CEP85L: variants seen among roughly 807,000 people sequenced by gnomAD.
CEP85L encodes the protein centrosomal protein 85L.
A neutral mutation model predicts 100.3 loss-of-function variants in CEP85L; 60 were observed. The ratio of observed to expected loss-of-function variants is 0.60; its 90% CI spans 0.49 to 0.74. The LOEUF (loss-of-function observed/expected upper bound fraction) is 0.74, where lower values mean the gene tolerates loss of function less well. Ranked by LOEUF, CEP85L falls within the 30% of genes least tolerant of loss-of-function variation. The probability of loss-of-function intolerance (pLI) is 0.00; values close to 1 mark genes in which losing one functional copy is unlikely to be tolerated. For missense variants in CEP85L, 973 were observed against 936.2 expected (o/e 1.04, Z -0.51); for synonymous variants, 319 against 322.7 (o/e 0.99, Z 0.12).
rs181926785 is a variant in CEP85L at position 118,590,066 on chromosome 6, C to T, written c.233-23750G>A. ...ATTTACACACACACACACACACACACACATACACACGTGGAATACCACTAT... is the reference window on the plus strand; with the variant it reads ...ATTTACACACACACACACACACACATACATACACACGTGGAATACCACTAT... On this transcript the variant is annotated intron_variant, in intron 2 of 12. Coordinates refer to ENST00000368491, the MANE Select transcript of CEP85L (RefSeq NM_001042475.3). 1.3e-3 allele frequency among the ~76,000 whole-genome samples: 166 copies of T among 126,294 alleles called. 1 individual carries two copies. Among genetic ancestry groups the T allele is most frequent in the African/African-American group, 4.5e-3 (157 of 35,056 alleles). The allele number at this position is 126,294 out of a possible 152,430, so 82.9% of individuals were successfully genotyped here.
intron 10 of CEP85L, among the ~76,000 whole-genome samples, chr6:118,476,487 T>C (rs1773388629): frequency 6.6e-6 from 1 of 152,134 alleles, no homozygotes; most frequent in Non-Finnish European, 1.5e-5. Flanking sequence ...AAATAGGAGA[T>C]AAACATCACA....
intron 2 of CEP85L, among the ~76,000 whole-genome samples, chr6:118,605,971 G>A (rs551173890): frequency 4.9e-5 from 7 of 141,706 alleles, no homozygotes; most frequent in East Asian, 2.0e-4. Context: ...CCAAGATCGC[G>A]CCACTGCACT....
intron 6 of CEP85L, among the ~76,000 whole-genome samples, chr6:118,488,258 G>A (rs1774323522): frequency 6.6e-6 from 1 of 151,960 alleles, no homozygotes; most frequent in Non-Finnish European, 1.5e-5. Flanking sequence ...TTGCCTGAAA[G>A]AGAATTCAAC....
rs111238197 is a variant in CEP85L, at chr6:118,613,499, G to A, written c.232+18954C>T. On this transcript the variant is annotated intron_variant, in intron 2 of 12. Coordinates refer to ENST00000368491, the MANE Select transcript of CEP85L (RefSeq NM_001042475.3). ...TGGCCAGGTGCAGTGGCTCACGCCTGTAATCCTAGTACTTTGTGGGGCCAA... is the reference window on the plus strand; with the variant it reads ...TGGCCAGGTGCAGTGGCTCACGCCTATAATCCTAGTACTTTGTGGGGCCAA... 1.3e-4 allele frequency among the ~76,000 whole-genome samples: 20 copies of A among 152,176 alleles called. 1 individual carries two copies. Among genetic ancestry groups the A allele is most frequent in the African/African-American group, 4.8e-4 (20 of 41,512 alleles).
chr6:118,559,072 CTTCTCTG>C, intron 3 of CEP85L: 1 of 1,610,664 alleles, frequency 6.2e-7, no homozygotes, highest in Non-Finnish European at 8.5e-7. Flanking sequence ...CATCGTGATG[CTTCTCTG>C]AAGTTCTGCT....
chr6:118,606,088 C>T (rs1443945207), intron 2 of CEP85L, among the ~76,000 whole-genome samples: 22 of 150,784 alleles, frequency 1.5e-4, no homozygotes, highest in Admixed American at 1.4e-3. Context: ...AAAGAAAAAA[C>T]CTTTTTCCAT....
intron 1 of CEP85L, among the ~76,000 whole-genome samples, chr6:118,678,688 C>A (rs2115442055): frequency 6.6e-6 from 1 of 152,320 alleles, no homozygotes; most frequent in Non-Finnish European, 1.5e-5. Context: ...ACATTAAGCA[C>A]TTTGAGAGGC....
rs749100604 is a variant in CEP85L, at chr6:118,705,100, G to A, written c.-28+4936C>T. Among the ~76,000 whole-genome samples the A allele has an allele frequency of 4.5e-4, 68 of 151,850 alleles. 1 individual carries two copies. Among genetic ancestry groups the A allele is most frequent in the Non-Finnish European group, 8.7e-4 (59 of 68,004 alleles). On this transcript the variant is annotated intron_variant, in intron 1 of 13. Transcript: ENST00000368488. ...CTTTGTTCAATTCAGAACATCAGCC[G>A]GAAGCTTCCCTGTTGCTAAGTAACC...
chr6:118,519,429 A>T (rs963764133), intron 4 of CEP85L, among the ~76,000 whole-genome samples: 35 of 100,270 alleles, frequency 3.5e-4, no homozygotes, highest in African/African-American at 1.4e-3. Context: ...ACAGAGCAAA[A>T]CTCTGTGTGT....
At chr6:118,650,759 A>C (rs939757572) in intron 1 of CEP85L, among the ~76,000 whole-genome samples, 1 of 152,134 alleles carries the variant, frequency 6.6e-6, no homozygotes, top group Non-Finnish European at 1.5e-5. Flanking sequence ...AGGGCGCGGA[A>C]CTGCGGCCCC....
At chr6:118,681,051 T>C (rs1776642320) in intron 1 of CEP85L, among the ~76,000 whole-genome samples, 1 of 152,194 alleles carries the variant, frequency 6.6e-6, no homozygotes, top group Non-Finnish European at 1.5e-5. Flanking sequence ...AAATGAATAC[T>C]GGGTTGACAG....
At chr6:118,506,286 T>C (rs1775651639) in intron 5 of CEP85L, among the ~76,000 whole-genome samples, 1 of 152,166 alleles carries the variant, frequency 6.6e-6, no homozygotes, top group Admixed American at 6.5e-5. Flanking sequence ...TAAAACCACA[T>C]ACACACACAG....
rs1441702412 is a variant in CEP85L, at chr6:118,481,771, T to C, written c.1745+8A>G. 1.3e-6 allele frequency: 2 copies of C among 1,511,420 alleles called. No individual in the cohort carries two copies. Among genetic ancestry groups the C allele is most frequent in the Middle Eastern group, 1.9e-4 (1 of 5,150 alleles). 93.6% of individuals were successfully genotyped at this position (1,511,420 alleles called of 1,614,324 possible). A position where few individuals can be genotyped will look rare whatever the true frequency, so the allele number is the denominator to read the frequency against. ...AATAATGTAGAAGGATTCAGAAAAT[T>C]TTCTTACCTCTGAACGGTAGTTACT... On this transcript the variant is annotated splice_region_variant and intron_variant, in intron 8 of 12. Coordinates refer to ENST00000368491, the MANE Select transcript of CEP85L (RefSeq NM_001042475.3).
chr6:118,667,319 A>G (rs1021785319), intron 1 of CEP85L, among the ~76,000 whole-genome samples: 6 of 152,170 alleles, frequency 3.9e-5, no homozygotes, highest in African/African-American at 1.4e-4. Flanking sequence ...GATTTTTTTT[A>G]CACTCTAAGT....
chr6:118,483,018 T>C (rs1378536410), intron 7 of CEP85L, among the ~76,000 whole-genome samples: 1 of 152,088 alleles, frequency 6.6e-6, no homozygotes, highest in Non-Finnish European at 1.5e-5. Context: ...AGAGGGCAGA[T>C]ATGTGGATGC....
intron 1 of CEP85L, among the ~76,000 whole-genome samples, chr6:118,660,598 C>T (rs1775938871): frequency 6.6e-6 from 1 of 152,258 alleles, no homozygotes; most frequent in Admixed American, 6.5e-5. Context: ...TTTAGGTTCA[C>T]AGGATCTATA....
rs1397120459 is a variant in CEP85L at position 118,565,517 on chromosome 6, T to C, written c.1020+12A>G. The C allele has an allele frequency of 1.2e-6, 2 of 1,613,462 alleles. No individual in the cohort carries two copies. Among genetic ancestry groups the C allele is most frequent in the South Asian group, 2.2e-5 (2 of 91,014 alleles). On this transcript the variant is annotated intron_variant, in intron 3 of 12. Coordinates refer to ENST00000368491, the MANE Select transcript of CEP85L (RefSeq NM_001042475.3). ...CACTGGAGGGAAGCAAACACTAGAT[T>C]TTGCACCTTACCTGCATTGGTGTTT...
chr6:118,679,898 A>G (rs1268663005), intron 1 of CEP85L, among the ~76,000 whole-genome samples: 1 of 151,996 alleles, frequency 6.6e-6, no homozygotes, highest in Non-Finnish European at 1.5e-5. Flanking sequence ...GGGTGTTTCT[A>G]TATTTCTAAT....
At chr6:118,525,675 ACT>A (rs1300832714) in intron 3 of CEP85L, among the ~76,000 whole-genome samples, 1 of 152,150 alleles carries the variant, frequency 6.6e-6, no homozygotes, top group Non-Finnish European at 1.5e-5. Context: ...AAAGGAACCA[ACT>A]CTGCCAACAC....
Sources: gnomAD v4.1 joint callset for allele counts (sites outside exome capture counted in the v4.1 genomes callset) on GRCh38, gnomAD v4.1.1 for gene constraint, MANE v1.5 for transcripts, NCBI Gene and HGNC (gene_info 2026-07-23, HGNC 2026-07-21) for gene names.